METAP1D: variants seen among roughly 807,000 people sequenced by gnomAD.
METAP1D encodes the protein methionine aminopeptidase 1D, mitochondrial.
In METAP1D, 31 loss-of-function variants were observed where a neutral mutation model predicts 40.5. The ratio of observed to expected loss-of-function variants is 0.77; its 90% CI spans 0.58 to 1.03. The LOEUF (loss-of-function observed/expected upper bound fraction) is 1.03, where lower values mean the gene tolerates loss of function less well. Among genes scored for constraint, METAP1D ranks in the 50% least tolerant of loss-of-function variants. METAP1D has a pLI of 0.00. For synonymous variants in METAP1D, 151 were observed against 146.4 expected (o/e 1.03, Z -0.22); for missense variants, 411 against 420.7 (o/e 0.98, Z 0.20).
chr2:172,016,300 A>T (rs1170605502), intron 1 of METAP1D, among the ~76,000 whole-genome samples: 430 of 39,518 alleles, frequency 0.011, 5 homozygotes, highest in Non-Finnish European at 0.015. Flanking sequence ...AAAAAAAAAA[A>T]ATATATATAT....
intron 1 of METAP1D, among the ~76,000 whole-genome samples, chr2:172,061,178 C>A (rs1029672487): frequency 6.6e-6 from 1 of 152,156 alleles, no homozygotes; most frequent in Non-Finnish European, 1.5e-5. Context: ...TTGGACATTG[C>A]CACATAAGGT....
In METAP1D at chr2:172,070,136, T is replaced by C. The variant is rs574974513; in HGVS notation, c.541-771T>C. On this transcript the variant is annotated intron_variant, in intron 5 of 9. Coordinates refer to ENST00000315796, the MANE Select transcript of METAP1D (RefSeq NM_199227.3). Reference sequence around the variant, plus strand: ...TACTATAGTGCTTGGTTATCAATGATTTATAATGAATCTGGTATCTTTCAA... The same window carrying C: ...TACTATAGTGCTTGGTTATCAATGACTTATAATGAATCTGGTATCTTTCAA... 5.9e-5 allele frequency among the ~76,000 whole-genome samples: 9 copies of C among 152,332 alleles called. No homozygotes were observed. The South Asian group carries it at 1.4e-3, about 25-fold the overall frequency.
chr2:172,051,853 CT>C (rs1689891864), intron 1 of METAP1D, among the ~76,000 whole-genome samples: 1 of 152,036 alleles, frequency 6.6e-6, no homozygotes. Context: ...ATGATGCATC[CT>C]CATAAAAATT....
intron 1 of METAP1D, among the ~76,000 whole-genome samples, chr2:172,016,094 C>CAAA (rs769072690): frequency 2.9e-5 from 3 of 104,608 alleles, no homozygotes; most frequent in East Asian, 2.7e-4. Context: ...CCGTCTCTAT[C>CAAA]AAAAAAAAAA....
intron 1 of METAP1D, among the ~76,000 whole-genome samples, chr2:172,020,359 A>G (rs574485229): frequency 6.6e-6 from 1 of 152,364 alleles, no homozygotes; most frequent in South Asian, 2.1e-4. Flanking sequence ...CTGCAATTTA[A>G]CTGGTATTGG....
chr2:172,003,099 G>A (rs917685222), intron 1 of METAP1D, among the ~76,000 whole-genome samples: 3 of 152,228 alleles, frequency 2.0e-5, no homozygotes, highest in Middle Eastern at 6.8e-3. Context: ...AGAATTGAGA[G>A]GCTGTTAAGA....
At chr2:172,019,495 T>A (rs1688958611) in intron 1 of METAP1D, among the ~76,000 whole-genome samples, 1 of 151,906 alleles carries the variant, frequency 6.6e-6, no homozygotes. Context: ...GCGGGAGGAT[T>A]GTTTGAACTC....
At chr2:172,009,765 A>G (rs531882090) in intron 1 of METAP1D, among the ~76,000 whole-genome samples, 2 of 152,146 alleles carry the variant, frequency 1.3e-5, no homozygotes, top group Non-Finnish European at 2.9e-5. Flanking sequence ...TTGGAGAGGG[A>G]AAGCCATTGC....
At chr2:172,028,853 T>C (rs750341036) in intron 1 of METAP1D, among the ~76,000 whole-genome samples, 4 of 152,212 alleles carry the variant, frequency 2.6e-5, no homozygotes, top group Non-Finnish European at 5.9e-5. Flanking sequence ...ACATTAAAAA[T>C]GTATTCTAAC....
At chr2:172,074,576 AAAAT>A (rs1418547594) in intron 6 of METAP1D, among the ~76,000 whole-genome samples, 1 of 152,216 alleles carries the variant, frequency 6.6e-6, no homozygotes, top group African/African-American at 2.4e-5. Context: ...TATTGTAAGA[AAAAT>A]ACAGTAATTT....
chr2:172,061,023 T>A (rs1386215481), intron 1 of METAP1D, among the ~76,000 whole-genome samples: 1 of 152,248 alleles, frequency 6.6e-6, no homozygotes, highest in Non-Finnish European at 1.5e-5. Flanking sequence ...TTCAGTATAA[T>A]GCCTCACTGC....
At chr2:172,004,319 ACTTTT>A (rs1688531380) in intron 1 of METAP1D, among the ~76,000 whole-genome samples, 2 of 151,026 alleles carry the variant, frequency 1.3e-5, no homozygotes, top group Non-Finnish European at 3.0e-5. Flanking sequence ...TGCCAAACCA[ACTTTT>A]CTTTTTTTTT....
At position 172,061,543 on chromosome 2, in the gene METAP1D, ACAAGCAGT is replaced by A. The variant is rs767216800; in HGVS notation, c.98_105del (p.Ser33ThrfsTer31). ...TCACCACTCAATCATATCTACTTAC[ACAAGCAGT>A]CAAGCAGTCAACAAAGAAGAAATTT... On this transcript the variant is annotated frameshift_variant, in exon 2 of 10. Transcript: ENST00000315796. LOFTEE classifies it high-confidence loss of function. 3.1e-6 allele frequency: 5 copies of A among 1,613,962 alleles called. No individual in the cohort carries two copies. The highest frequency in any genetic ancestry group is 3.4e-6 in the Non-Finnish European group (4 of 1,179,948).
chr2:172,007,429 C>T (rs1158943517), intron 1 of METAP1D, among the ~76,000 whole-genome samples: 1 of 152,078 alleles, frequency 6.6e-6, no homozygotes, highest in African/African-American at 2.4e-5. Flanking sequence ...AAACAACTGC[C>T]AGGCAATATG....
At chr2:172,000,112 A>C in intron 1 of METAP1D, 103 bp downstream of exon 1, 9 of 998,852 alleles carry the variant, frequency 9.0e-6, no homozygotes, top group Non-Finnish European at 1.1e-5. Flanking sequence ...TTCTCGGCGC[A>C]CACGACTGTA....
chr2:172,049,351 TTAAA>T (rs1689836644), intron 1 of METAP1D, among the ~76,000 whole-genome samples: 1 of 149,936 alleles, frequency 6.7e-6, no homozygotes, highest in Admixed American at 6.7e-5. Context: ...GTATATATAT[TTAAA>T]TAAATGTTTA....
chr2:172,055,085 T>C (rs532266499), intron 1 of METAP1D, among the ~76,000 whole-genome samples: 12 of 152,342 alleles, frequency 7.9e-5, no homozygotes, highest in Admixed American at 6.5e-4. Flanking sequence ...GATTTCCCAC[T>C]GGTGTCTCTA....
At chr2:172,017,902 G>A (rs566960657) in intron 1 of METAP1D, among the ~76,000 whole-genome samples, 9 of 152,206 alleles carry the variant, frequency 5.9e-5, no homozygotes, top group African/African-American at 2.2e-4. Context: ...GCTGAGGCGG[G>A]TGAATCACGA....
At chr2:172,049,248 G>A (rs1440766312) in intron 1 of METAP1D, among the ~76,000 whole-genome samples, 1 of 152,020 alleles carries the variant, frequency 6.6e-6, no homozygotes, top group South Asian at 2.1e-4. Context: ...GTCTCCCAAA[G>A]TGCTGGGTTT....
Sources: allele counts gnomAD v4.1 joint callset (sites outside exome capture counted in the v4.1 genomes callset), GRCh38; gene constraint gnomAD v4.1.1; transcripts MANE v1.5; gene names NCBI Gene and HGNC (gene_info 2026-07-23, HGNC 2026-07-21).